Variants in LRBA observed in about 807,000 individuals in gnomAD.
The protein encoded by LRBA is lipopolysaccharide-responsive and beige-like anchor protein.
Under a neutral mutation model 330.0 loss-of-function variants are expected in LRBA, and 176 were observed. That is an observed-to-expected ratio of 0.53 (90% CI 0.47 to 0.60). The LOEUF (loss-of-function observed/expected upper bound fraction) is 0.60, where lower values mean the gene tolerates loss of function less well. Ranked by LOEUF, LRBA falls within the 20% of genes least tolerant of loss-of-function variation. The pLI is 0.00. For missense variants in LRBA, 3,259 were observed against 3,444.8 expected (o/e 0.95, Z 1.35); for synonymous variants, 1,230 against 1,193.0 (o/e 1.03, Z -0.64).
intron 40 of LRBA, among the ~76,000 whole-genome samples, chr4:150,578,470 T>C (rs1770818586): frequency 6.6e-6 from 1 of 152,128 alleles, no homozygotes; most frequent in African/African-American, 2.4e-5. Context: ...CTCATAAAGG[T>C]TTCGGTGAAA....
At chr4:150,516,675 A>G (rs1762394593) in intron 40 of LRBA, among the ~76,000 whole-genome samples, 1 of 149,864 alleles carries the variant, frequency 6.7e-6, no homozygotes, top group Admixed American at 6.7e-5. Context: ...ACTAAAAAAG[A>G]CATTAAAATA....
At chr4:150,902,841 T>C (rs181326817) in intron 13 of LRBA, among the ~76,000 whole-genome samples, 1 of 152,214 alleles carries the variant, frequency 6.6e-6, no homozygotes, top group Non-Finnish European at 1.5e-5. Context: ...GGTGGGATTC[T>C]ATTTTTGCTT....
At chr4:150,568,038 G>A (rs1057084525) in intron 40 of LRBA, among the ~76,000 whole-genome samples, 1 of 152,162 alleles carries the variant, frequency 6.6e-6, no homozygotes, top group African/African-American at 2.4e-5. Context: ...GGGCACTGTG[G>A]CTCACGCCTG....
At chr4:150,725,245 T>A (rs1271649901) in intron 36 of LRBA, among the ~76,000 whole-genome samples, 1 of 151,802 alleles carries the variant, frequency 6.6e-6, no homozygotes, top group African/African-American at 2.4e-5. Context: ...CAAATTCAAG[T>A]AAAAGAAGCT....
At chr4:150,863,446 G>A (rs1392319291) in intron 22 of LRBA, among the ~76,000 whole-genome samples, 2 of 152,126 alleles carry the variant, frequency 1.3e-5, no homozygotes, top group African/African-American at 4.8e-5. Context: ...CAGATCACCT[G>A]AGGTCAGGAG....
At chr4:150,455,613 A>G (rs1361512866) in intron 44 of LRBA, among the ~76,000 whole-genome samples, 1 of 152,126 alleles carries the variant, frequency 6.6e-6, no homozygotes, top group Non-Finnish European at 1.5e-5. Context: ...GCATAATAAT[A>G]CCATGTAAAA....
At chr4:150,791,332 A>G (rs1739879370) in intron 34 of LRBA, among the ~76,000 whole-genome samples, 1 of 152,226 alleles carries the variant, frequency 6.6e-6, no homozygotes, top group Non-Finnish European at 1.5e-5. Context: ...TTGATCAAAC[A>G]AGCACATGGC....
chr4:150,444,399 C>G (rs982082139), intron 44 of LRBA, among the ~76,000 whole-genome samples: 10 of 152,100 alleles, frequency 6.6e-5, no homozygotes, highest in Admixed American at 6.6e-4. Context: ...TAGTGTCTGT[C>G]ATTTCAGCAA....
At chr4:150,515,901 A>T (rs1435589042) in intron 40 of LRBA, among the ~76,000 whole-genome samples, 1 of 152,046 alleles carries the variant, frequency 6.6e-6, no homozygotes, top group African/African-American at 2.4e-5. Flanking sequence ...CAATTATTAG[A>T]GGAACACAAA....
At chr4:150,480,495 A>G (rs2152080247) in intron 42 of LRBA, among the ~76,000 whole-genome samples, 1 of 152,148 alleles carries the variant, frequency 6.6e-6, no homozygotes, top group Admixed American at 6.5e-5. Flanking sequence ...AATCATTTTT[A>G]TCAAAACGAT....
chr4:150,456,569 T>TTA (rs757545460), intron 44 of LRBA, among the ~76,000 whole-genome samples: 10 of 152,142 alleles, frequency 6.6e-5, no homozygotes, highest in Non-Finnish European at 1.3e-4. Flanking sequence ...CATATTCTGG[T>TTA]TATTAATCCC....
chr4:150,616,271 G>A (rs1192329443), intron 37 of LRBA, among the ~76,000 whole-genome samples: 1 of 152,150 alleles, frequency 6.6e-6, no homozygotes, highest in African/African-American at 2.4e-5. Flanking sequence ...ACCAAAGCTG[G>A]AGAAGAAAAT....
chr4:150,896,575 A>G (rs1730111853), intron 15 of LRBA, 119 bp from the exon 16 acceptor site: 1 of 530,832 alleles, frequency 1.9e-6, no homozygotes. Context: ...ATAATGTAAT[A>G]GACAATCTAA....
At chr4:150,708,361 C>T (rs139243947) in intron 36 of LRBA, among the ~76,000 whole-genome samples, 31 of 151,874 alleles carry the variant, frequency 2.0e-4, no homozygotes, top group Admixed American at 3.9e-4. Flanking sequence ...TGACAGAAAG[C>T]AAACAAATTT....
At chr4:150,768,063 C>CAAAA (rs777328686) in intron 34 of LRBA, among the ~76,000 whole-genome samples, 7 of 57,988 alleles carry the variant, frequency 1.2e-4, no homozygotes, top group East Asian at 5.9e-4. Flanking sequence ...GACTCTGTCT[C>CAAAA]AAAAAAAAAA....
At chr4:150,746,477 C>G (rs917237657) in intron 35 of LRBA, among the ~76,000 whole-genome samples, 3 of 151,356 alleles carry the variant, frequency 2.0e-5, no homozygotes, top group African/African-American at 7.3e-5. Context: ...CATTCTACCT[C>G]TGCAATAACT....
chr4:150,830,704 C>T (rs1272531145), intron 29 of LRBA, among the ~76,000 whole-genome samples: 1 of 150,696 alleles, frequency 6.6e-6, no homozygotes. Flanking sequence ...CAGCCAAAAA[C>T]ACTGATTATC....
At chr4:150,328,257 A>G (rs1163946706) in intron 48 of LRBA, among the ~76,000 whole-genome samples, 1 of 152,206 alleles carries the variant, frequency 6.6e-6, no homozygotes, top group Non-Finnish European at 1.5e-5. Flanking sequence ...TACGTCAGAC[A>G]CATGGAATCC....
intron 35 of LRBA, among the ~76,000 whole-genome samples, chr4:150,736,690 A>G (rs1731223780): frequency 6.6e-6 from 1 of 152,174 alleles, no homozygotes; most frequent in African/African-American, 2.4e-5. Context: ...TTGAAGAGAT[A>G]ATGGCCAAGA....
Sources: gnomAD v4.1 joint callset for allele counts (sites outside exome capture counted in the v4.1 genomes callset) on GRCh38, gnomAD v4.1.1 for gene constraint, MANE v1.5 for transcripts, NCBI Gene and HGNC (gene_info 2026-07-23, HGNC 2026-07-21) for gene names.